EFHC2: variants seen among roughly 807,000 people sequenced by gnomAD.
The protein encoded by EFHC2 is EF-hand domain-containing family member C2.
EFHC2 carries 18 observed loss-of-function variants against 52.7 expected under a neutral mutation model. The observed-to-expected ratio is 0.34, with a 90% CI of 0.24 to 0.51. The LOEUF (loss-of-function observed/expected upper bound fraction) is 0.51. EFHC2 is among the 20% of genes least tolerant of loss of function. The probability of loss-of-function intolerance (pLI) is 0.97; values close to 1 mark genes in which losing one functional copy is unlikely to be tolerated. For missense variants in EFHC2, 513 were observed against 562.5 expected (o/e 0.91, Z 0.89); for synonymous variants, 203 against 204.1 (o/e 0.99, Z 0.04).
chrX:44,256,754 G>C (rs192565068), intron 4 of EFHC2, among the ~76,000 whole-genome samples: 41 of 110,879 alleles, frequency 3.7e-4, no homozygotes, highest in African/African-American at 1.3e-3. Flanking sequence ...CCAAACAATA[G>C]AAAAAGAGGC....
At chrX:44,188,669 A>G (rs1407991190) in intron 11 of EFHC2, among the ~76,000 whole-genome samples, 17 of 111,679 alleles carry the variant, frequency 1.5e-4, no homozygotes, top group Admixed American at 1.4e-3. Context: ...ATGTGTATAC[A>G]TATAGCGAGA....
chrX:44,225,536 A>G (rs1426242469), intron 11 of EFHC2: 4 of 112,306 alleles, frequency 3.6e-5, no homozygotes, highest in Non-Finnish European at 7.5e-5. Flanking sequence ...TGAGAGTGCC[A>G]GGTATCTAAG....
At chrX:44,336,471 A>G (rs2038118403) in intron 1 of EFHC2, among the ~76,000 whole-genome samples, 1 of 111,535 alleles carries the variant, frequency 9.0e-6, no homozygotes, top group Admixed American at 9.6e-5. Flanking sequence ...GGCAATACCA[A>G]TTGCTTACAA....
intron 8 of EFHC2, among the ~76,000 whole-genome samples, chrX:44,240,207 C>T (rs1366918141): frequency 8.9e-6 from 1 of 111,830 alleles, no homozygotes; most frequent in Non-Finnish European, 1.9e-5. Context: ...AGTCTCCAGC[C>T]GAATGTGCTA....
At chrX:44,340,502 A>T (rs1171053025) in intron 1 of EFHC2, among the ~76,000 whole-genome samples, 1 of 111,053 alleles carries the variant, frequency 9.0e-6, no homozygotes, top group East Asian at 2.8e-4. Flanking sequence ...AAATTAAAAA[A>T]AAAAAAATTA....
chrX:44,172,624 G>C (rs910353452), intron 13 of EFHC2, among the ~76,000 whole-genome samples: 1 of 112,117 alleles, frequency 8.9e-6, no homozygotes, highest in African/African-American at 3.2e-5. Flanking sequence ...CAAAGGTTTA[G>C]AGTATCTTAG....
intron 2 of EFHC2, 72 bp from the exon 3 acceptor site, chrX:44,272,908 G>T: frequency 1.1e-6 from 1 of 914,630 alleles, no homozygotes; most frequent in Non-Finnish European, 1.5e-6. Flanking sequence ...CAAAGCAGCT[G>T]CCTGTATACT....
At chrX:44,300,844 C>A (rs775629768) in intron 2 of EFHC2, among the ~76,000 whole-genome samples, 5 of 110,815 alleles carry the variant, frequency 4.5e-5, no homozygotes, top group African/African-American at 1.3e-4. Context: ...GGTACAGTGG[C>A]TCACACCTGT....
rs749606049 is a variant in EFHC2, at chrX:44,218,338, AAC to A, written c.1751+11309_1751+11310del. Reference sequence around the variant, plus strand: ...TTTGCAAAGGAGATTTTGATATTTTAACAGTCAAAACTATACCATAGAATAAG... The same window carrying A: ...TTTGCAAAGGAGATTTTGATATTTTAAGTCAAAACTATACCATAGAATAAG... On this transcript the variant is annotated intron_variant, in intron 11 of 14. Coordinates refer to ENST00000420999, the MANE Select transcript of EFHC2 (RefSeq NM_025184.4). Among the ~76,000 whole-genome samples, 10 of 111,311 alleles carry A rather than the reference AAC, an allele frequency of 9.0e-5. 1 individual carries two copies. Among genetic ancestry groups the A allele is most frequent in the African/African-American group, 2.9e-4 (9 of 30,781 alleles).
chrX:44,256,387 C>A (rs1467778213), intron 4 of EFHC2, among the ~76,000 whole-genome samples: 1 of 111,623 alleles, frequency 9.0e-6, no homozygotes, highest in African/African-American at 3.3e-5. Flanking sequence ...AATAGATAGA[C>A]TGCTAGCCAG....
chrX:44,288,418 A>T lies in EFHC2; in HGVS notation c.232-15582T>A, dbSNP rs777027929. 1.4e-3 allele frequency among the ~76,000 whole-genome samples: 150 copies of T among 105,901 alleles called. 1 individual carries two copies. Among genetic ancestry groups the T allele is most frequent in the African/African-American group, 4.7e-3 (140 of 29,490 alleles). 92.0% of individuals were successfully genotyped at this position (105,901 alleles called of 115,157 possible). A position where few individuals can be genotyped will look rare whatever the true frequency, so the allele number is the denominator to read the frequency against. On this transcript the variant is annotated intron_variant, in intron 2 of 14. Transcript: ENST00000420999. ...GGGAAAAAAGTAAAAAGTAAAAATT[A>T]AAAAAAAAAACACACAAAGAGGGAG... is the stretch of plus-strand genomic sequence containing the variant.
At chrX:44,281,015 G>A (rs2037697955) in intron 2 of EFHC2, among the ~76,000 whole-genome samples, 1 of 111,148 alleles carries the variant, frequency 9.0e-6, no homozygotes, top group Non-Finnish European at 1.9e-5. Flanking sequence ...TGCCTCCCGG[G>A]TTCAAGTGAT....
intron 14 of EFHC2, among the ~76,000 whole-genome samples, chrX:44,160,876 C>A (rs1036263920): frequency 3.7e-5 from 4 of 108,701 alleles, no homozygotes; most frequent in African/African-American, 1.3e-4. Context: ...GAGCCGAGAT[C>A]ACACCACTGC....
chrX:44,170,462 G>A (rs2036736292), intron 13 of EFHC2, among the ~76,000 whole-genome samples: 1 of 110,929 alleles, frequency 9.0e-6, no homozygotes, highest in Non-Finnish European at 1.9e-5. Context: ...AAGCAGTTCA[G>A]AGACAAAGGT....
At chrX:44,322,741 G>A (rs1310454243) in intron 1 of EFHC2, among the ~76,000 whole-genome samples, 2 of 112,228 alleles carry the variant, frequency 1.8e-5, no homozygotes, top group Non-Finnish European at 3.8e-5. Context: ...TCAAGAGGAA[G>A]GACTTGGTAT....
At chrX:44,329,164 G>A (rs1254038553) in intron 1 of EFHC2, among the ~76,000 whole-genome samples, 2 of 111,239 alleles carry the variant, frequency 1.8e-5, no homozygotes, top group Admixed American at 1.9e-4. Context: ...TCAGGAGAAA[G>A]CATTACAAAC....
At chrX:44,251,597 T>TGAAAAAAA (rs2037448175) in intron 4 of EFHC2, among the ~76,000 whole-genome samples, 1 of 12,546 alleles carries the variant, frequency 8.0e-5, no homozygotes, top group Non-Finnish European at 1.5e-4. Context: ...CAATACTCTG[T>TGAAAAAAA]AAAAAAAAAA....
chrX:44,163,202 C>T (rs1424984227), intron 14 of EFHC2, among the ~76,000 whole-genome samples: 1 of 112,177 alleles, frequency 8.9e-6, no homozygotes, highest in Non-Finnish European at 1.9e-5. Flanking sequence ...CAGCAGAGAC[C>T]AGGAGAAATA....
intron 2 of EFHC2, among the ~76,000 whole-genome samples, chrX:44,300,499 T>C (rs1190557291): frequency 1.8e-5 from 2 of 111,582 alleles, no homozygotes; most frequent in African/African-American, 3.3e-5. Context: ...AAATCATAAT[T>C]GAGAAAATTA....
Sources: gnomAD v4.1 joint callset for allele counts (sites outside exome capture counted in the v4.1 genomes callset) on GRCh38, gnomAD v4.1.1 for gene constraint, MANE v1.5 for transcripts, NCBI Gene and HGNC (gene_info 2026-07-23, HGNC 2026-07-21) for gene names.